Variants in MINAR2 observed in about 807,000 individuals in gnomAD.
MINAR2 encodes membrane integral NOTCH2 associated receptor 2.
Under a neutral mutation model 16.1 loss-of-function variants are expected in MINAR2, and 21 were observed. The ratio of observed to expected loss-of-function variants is 1.31; its 90% confidence interval spans 0.93 to 1.88. The LOEUF is 1.88. Ranked by LOEUF, MINAR2 falls within the 40% of genes most tolerant of loss-of-function variation. The pLI is 0.00. For synonymous variants in MINAR2, 86 were observed against 83.0 expected (o/e 1.04, Z -0.20); for missense variants, 259 against 229.8 (o/e 1.13, Z -0.82).
At chr5:129,756,550 C>T (rs1342626296) in intron 1 of MINAR2, among the ~76,000 whole-genome samples, 1 of 152,062 alleles carries the variant, frequency 6.6e-6, no homozygotes, top group East Asian at 1.9e-4. Context: ...GCCTAGCTCC[C>T]ACATATCAGT....
rs74312033 is a variant in MINAR2, at chr5:129,752,778, C to CTT, written c.165+4434_165+4435dup. Among the ~76,000 whole-genome samples the CTT allele has an allele frequency of 2.0e-3, 294 of 147,030 alleles. 1 individual carries two copies. The highest frequency in any genetic ancestry group is 6.2e-3 in the African/African-American group (250 of 40,428). ...AATGGCAAGAAAGAAAAATGTGTGT[C>CTT]TTTTTTTTTTTTCCATTTATTGTGG... On this transcript the variant is annotated intron_variant, in intron 1 of 2. Coordinates refer to ENST00000564719, the MANE Select transcript of MINAR2 (RefSeq NM_001257308.2).
Position 129,759,715 on chromosome 5 carries a change from AGTTT to A in MINAR2, c.166-657_166-654del, listed in dbSNP as rs532727486. On this transcript the variant is annotated intron_variant, in intron 1 of 2. Transcript: ENST00000564719. Reference sequence around the variant, plus strand: ...TTCTAGGTCTGGATGTTGAATCTTGAGTTTGTTTGGTTTGCAAGAATTTATAGAG... The same window carrying A: ...TTCTAGGTCTGGATGTTGAATCTTGAGTTTGGTTTGCAAGAATTTATAGAG... Among the ~76,000 whole-genome samples, 358 of 152,086 alleles carry A rather than the reference AGTTT, an allele frequency of 2.4e-3. 4 individuals are homozygous for A. The highest frequency in any genetic ancestry group is 7.8e-3 in the African/African-American group (324 of 41,512).
Position 129,765,065 on chromosome 5 carries a change from G to A in MINAR2, c.*2G>A, listed in dbSNP as rs1180117548. 3.9e-6 allele frequency: 5 copies of A among 1,275,064 alleles called. No homozygotes were observed. Among genetic ancestry groups the A allele is most frequent in the Non-Finnish European group, 5.0e-6 (5 of 1,008,094 alleles). 79.0% of individuals were successfully genotyped at this position (1,275,064 alleles called of 1,614,324 possible). On this transcript the variant is annotated 3_prime_UTR_variant, in exon 3 of 3. Transcript: ENST00000564719. ...ACTATCATTACTTTTTTCACCTGAG[G>A]AAACTGCAACAATCAGAGCTACTTT... is the stretch of plus-strand genomic sequence containing the variant.
In MINAR2 at chr5:129,760,342, C is replaced by T. The variant is rs963857249; in HGVS notation, c.166-36C>T. 6.1e-6 allele frequency: 9 copies of T among 1,476,068 alleles called. No individual in the cohort carries two copies. In the East Asian group the frequency reaches 7.4e-5, roughly 12 times the overall value. The allele number at this position is 1,476,068 out of a possible 1,614,324, so 91.4% of individuals were successfully genotyped here. On this transcript the variant is annotated intron_variant, in intron 1 of 2. Coordinates refer to ENST00000564719, the MANE Select transcript of MINAR2 (RefSeq NM_001257308.2). ...TTGCATTCCCTACTATCAGAAGGCC[C>T]GTTGCTAAGAGATGCCTTGTTTCTT...
chr5:129,760,719 G>A, intron 2 of MINAR2, 114 bp downstream of exon 2: 1 of 776,056 alleles, frequency 1.3e-6, no homozygotes, highest in East Asian at 2.7e-5. Context: ...AGAATCTCTA[G>A]ATTTCAGAGC....
chr5:129,764,338 G>C (rs998710951), intron 2 of MINAR2, among the ~76,000 whole-genome samples: 1 of 152,292 alleles, frequency 6.6e-6, no homozygotes, highest in East Asian at 1.9e-4. Context: ...AGTGGGTCAA[G>C]AGTAATGGAA....
intron 1 of MINAR2, among the ~76,000 whole-genome samples, chr5:129,752,492 T>G (rs1274843242): frequency 1.3e-5 from 2 of 152,154 alleles, no homozygotes; most frequent in Admixed American, 1.3e-4. Context: ...AAACACGGCA[T>G]GTTCTCACTC....
intron 1 of MINAR2, among the ~76,000 whole-genome samples, chr5:129,758,751 A>T (rs1758087345): frequency 6.6e-6 from 1 of 152,168 alleles, no homozygotes; most frequent in Non-Finnish European, 1.5e-5. Flanking sequence ...TGAAGAAAAA[A>T]AAAATTAAGT....
At chr5:129,758,918 T>C (rs1478618142) in intron 1 of MINAR2, among the ~76,000 whole-genome samples, 2 of 152,012 alleles carry the variant, frequency 1.3e-5, no homozygotes, top group East Asian at 1.9e-4. Context: ...AGAATGTAAG[T>C]TGACTTTGAG....
Position 129,765,282 on chromosome 5 carries a change from C to G in MINAR2, c.*219C>G, listed in dbSNP as rs182952187. 1.4e-3 allele frequency: 526 copies of G among 375,318 alleles called. 5 individuals are homozygous for G. Among genetic ancestry groups the G allele is most frequent in the African/African-American group, 0.01 (487 of 48,294 alleles). 23.2% of individuals were successfully genotyped at this position (375,318 alleles called of 1,614,324 possible). ...CTATAAAAGCTTTCTAAGAGTGCCA[C>G]CCTGAACTTTGGGAAGCAGGAATTC... On this transcript the variant is annotated 3_prime_UTR_variant, in exon 3 of 3. Transcript: ENST00000564719.
At chr5:129,764,054 C>A (rs1228913710) in intron 2 of MINAR2, among the ~76,000 whole-genome samples, 1 of 152,160 alleles carries the variant, frequency 6.6e-6, no homozygotes, top group East Asian at 1.9e-4. Flanking sequence ...ACCAAATCTA[C>A]AGCACCAAAA....
chr5:129,760,801 T>G (rs1758125748), intron 2 of MINAR2, among the ~76,000 whole-genome samples, 196 bp downstream of exon 2: 1 of 152,190 alleles, frequency 6.6e-6, no homozygotes, highest in African/African-American at 2.4e-5. Context: ...TTTTACAGTT[T>G]CAACAGTTAC....
chr5:129,754,605 C>T (rs1171972321), intron 1 of MINAR2, among the ~76,000 whole-genome samples: 1 of 152,154 alleles, frequency 6.6e-6, no homozygotes, highest in East Asian at 1.9e-4. Context: ...CCACACAAAA[C>T]TATTCCATAT....
intron 1 of MINAR2, among the ~76,000 whole-genome samples, chr5:129,753,104 A>G (rs897877323): frequency 2.0e-5 from 3 of 151,664 alleles, no homozygotes; most frequent in African/African-American, 7.3e-5. Context: ...TTTTTTGTGT[A>G]TAATTGTATT....
At chr5:129,762,112 G>A (rs189174219) in intron 2 of MINAR2, among the ~76,000 whole-genome samples, 6 of 151,952 alleles carry the variant, frequency 3.9e-5, no homozygotes, top group South Asian at 4.2e-4. Flanking sequence ...GCAAACCACC[G>A]TGGCACAGGT....
chr5:129,748,121 A>C lies in MINAR2; in HGVS notation c.-70A>C, dbSNP rs1202044846. 1 of 1,421,694 alleles carries C rather than the reference A, an allele frequency of 7.0e-7. No individual in the cohort carries two copies. The highest frequency in any genetic ancestry group is 1.4e-5 in the African/African-American group (1 of 70,694). The allele number at this position is 1,421,694 out of a possible 1,614,324, so 88.1% of individuals were successfully genotyped here. On this transcript the variant is annotated 5_prime_UTR_variant, in exon 1 of 3. Coordinates refer to ENST00000564719, the MANE Select transcript of MINAR2 (RefSeq NM_001257308.2). ...ATGCAGTCAGAGCATCCTCAGGCAC[A>C]TTAATAATGGAGGAGTCTGACAAGA...
chr5:129,762,890 C>G (rs1430650936), intron 2 of MINAR2, among the ~76,000 whole-genome samples: 1 of 152,032 alleles, frequency 6.6e-6, no homozygotes, highest in Non-Finnish European at 1.5e-5. Context: ...GATGGTTTGC[C>G]TAAGTGGGAA....
intron 1 of MINAR2, among the ~76,000 whole-genome samples, chr5:129,748,593 C>T (rs1757947301): frequency 6.6e-6 from 1 of 152,162 alleles, no homozygotes; most frequent in South Asian, 2.1e-4. Context: ...CTCTGCCTAT[C>T]CTCATTTTAG....
rs947300506 is a variant in MINAR2, at chr5:129,764,867, A to G, written c.394-17A>G. Reference sequence around the variant, plus strand: ...TGATTACTGATTAATCATATTCTCTATGTAATTTTCTTTTAGGAAAATCCT... The same window carrying G: ...TGATTACTGATTAATCATATTCTCTGTGTAATTTTCTTTTAGGAAAATCCT... On this transcript the variant is annotated splice_polypyrimidine_tract_variant and intron_variant, in intron 2 of 2. Transcript: ENST00000564719. The G allele has an allele frequency of 2.4e-6, 3 of 1,275,444 alleles. No individual in the cohort carries two copies. The highest frequency in any genetic ancestry group is 1.5e-5 in the African/African-American group (1 of 65,872). The allele number at this position is 1,275,444 out of a possible 1,614,324, so 79.0% of individuals were successfully genotyped here.
Sources: gnomAD v4.1 joint callset for allele counts (sites outside exome capture counted in the v4.1 genomes callset) on GRCh38, gnomAD v4.1.1 for gene constraint, MANE v1.5 for transcripts, NCBI Gene and HGNC (gene_info 2026-07-23, HGNC 2026-07-21) for gene names.